LCA5L: variants seen among roughly 807,000 people sequenced by gnomAD.
LCA5L encodes the protein lebercilin-like protein.
In LCA5L, 35 loss-of-function variants were observed where a neutral mutation model predicts 45.4. The observed-to-expected ratio is 0.77, with a 90% CI of 0.59 to 1.02. LCA5L has a LOEUF of 1.02. Among genes scored for constraint, LCA5L ranks in the 50% least tolerant of loss-of-function variants. The pLI is 0.00. For synonymous variants in LCA5L, 233 were observed against 264.7 expected (o/e 0.88, Z 1.16); for missense variants, 668 against 761.6 (o/e 0.88, Z 1.45).
intron 7 of LCA5L, among the ~76,000 whole-genome samples, chr21:39,419,338 A>T (rs544263235): frequency 6.6e-6 from 1 of 152,212 alleles, no homozygotes; most frequent in African/African-American, 2.4e-5. Context: ...CAGCCTGGGC[A>T]ACACAGCGAG....
chr21:39,439,154 T>G (rs2076567624), intron 2 of LCA5L, among the ~76,000 whole-genome samples: 1 of 151,932 alleles, frequency 6.6e-6, no homozygotes. Context: ...GAAGGCTCTG[T>G]GATCACAGAA....
In LCA5L at chr21:39,415,288, GC is replaced by G. The variant is rs1169461339; in HGVS notation, c.976-3487del. 3.3e-5 allele frequency among the ~76,000 whole-genome samples: 5 copies of G among 152,248 alleles called. No homozygotes were observed. The East Asian group carries it at 7.7e-4, about 23-fold the overall frequency. On this transcript the variant is annotated intron_variant, in intron 7 of 10. Transcript: ENST00000288350. ...GTGTTGAGGCCACCTTCTTGATCTA[GC>G]CATTTCTACTCTTTTAAAAATGCAT...
intron 7 of LCA5L, among the ~76,000 whole-genome samples, chr21:39,416,185 C>A (rs2041122562): frequency 6.6e-6 from 1 of 152,184 alleles, no homozygotes; most frequent in Admixed American, 6.5e-5. Flanking sequence ...AAAATGTTTG[C>A]TTCTTGTCCT....
In LCA5L at chr21:39,409,799, G is replaced by A. The variant is rs1188874712; in HGVS notation, c.1282+180C>T. On this transcript the variant is annotated intron_variant, in intron 10 of 10. Transcript: ENST00000288350. This position sits in a 1 kb window ranked among gnomAD's most constrained non-coding sequence, Gnocchi z 4.2. ...AGTAGAGATAGGGTTTCACCATGTT[G>A]GCCAGGCTGGTCTCAAACTCTTGAC... 6.6e-6 allele frequency among the ~76,000 whole-genome samples: 1 copy of A among 152,114 alleles called. No individual in the cohort carries two copies. Among genetic ancestry groups the A allele is most frequent in the Admixed American group, 6.5e-5 (1 of 15,268 alleles).
chr21:39,413,104 T>C (rs573399833), intron 7 of LCA5L, among the ~76,000 whole-genome samples: 1 of 150,884 alleles, frequency 6.6e-6, no homozygotes, highest in South Asian at 2.1e-4. Flanking sequence ...AGGCCAGGAG[T>C]TTTAGCAGCC....
chr21:39,406,042 A>G lies in LCA5L; in HGVS notation c.1853T>C (p.Val618Ala), dbSNP rs2039029665. 2 of 1,614,052 alleles carry G rather than the reference A, an allele frequency of 1.2e-6. No homozygotes were observed. The highest frequency in any genetic ancestry group is 2.2e-5 in the South Asian group (2 of 91,088). ...VLKTDQSSPGVAKGSEEPLQS... is the reference protein window; with the variant it reads ...VLKTDQSSPGAAKGSEEPLQS... ...CAAAGGCTCCTCTGAGCCTTTTGCA[A>G]CACCAGGACTTGATTGGTCAGTTTT... The change falls in exon 11 of 11, where the codon GTT (valine) becomes GCT (alanine). Residue 618 changes from valine to alanine, a missense_variant. Physicochemically the swap from Val to Ala is moderately conservative, Grantham distance 64. Coordinates refer to ENST00000288350, the MANE Select transcript of LCA5L (RefSeq NM_152505.4).
intron 3 of LCA5L, among the ~76,000 whole-genome samples, chr21:39,429,793 G>A (rs560100011): frequency 1.3e-5 from 2 of 152,288 alleles, no homozygotes; most frequent in South Asian, 4.1e-4. Flanking sequence ...TGAGGTGGGT[G>A]GATAGCTTGA....
In LCA5L at chr21:39,405,767, A is replaced by T; in HGVS notation, c.*115T>A. 2.9e-6 allele frequency: 2 copies of T among 701,238 alleles called. No homozygotes were observed. The highest frequency in any genetic ancestry group is 4.2e-6 in the Non-Finnish European group (2 of 478,036). The allele number at this position is 701,238 out of a possible 1,614,324, so 43.4% of individuals were successfully genotyped here. A position where few individuals can be genotyped will look rare whatever the true frequency, so the allele number is the denominator to read the frequency against. ...AAAATTTAATTATCGAAAGTCAATT[A>T]AGTACTAAAACACACACATACATAC... is the stretch of plus-strand genomic sequence containing the variant. On this transcript the variant is annotated 3_prime_UTR_variant, in exon 11 of 11. Transcript: ENST00000288350.
At chr21:39,415,901 G>C (rs546401433) in intron 7 of LCA5L, among the ~76,000 whole-genome samples, 1 of 152,238 alleles carries the variant, frequency 6.6e-6, no homozygotes, top group East Asian at 1.9e-4. Flanking sequence ...TTGGTAGGTA[G>C]AGCCCAGTCT....
chr21:39,421,550 T>G (rs374349747), intron 6 of LCA5L: 11 of 152,274 alleles, frequency 7.2e-5, no homozygotes, highest in African/African-American at 2.4e-4. Context: ...TCAATAACCA[T>G]CCATAAATAT....
intron 4 of LCA5L, 76 bp from the exon 5 acceptor site, chr21:39,428,579 T>C (rs2075180866): frequency 6.8e-5 from 2 of 29,278 alleles, no homozygotes; most frequent in Non-Finnish European, 1.5e-4. Flanking sequence ...TGCTTTATTT[T>C]ATATATATAT....
chr21:39,436,621 A>G (rs1390808961), intron 2 of LCA5L, among the ~76,000 whole-genome samples: 5 of 152,140 alleles, frequency 3.3e-5, no homozygotes, highest in Non-Finnish European at 5.9e-5. Flanking sequence ...AGCTGGGACT[A>G]CAGGCATGTG....
chr21:39,422,826 C>T lies in LCA5L; in HGVS notation c.837+150G>A, dbSNP rs548001914. Reference sequence around the variant, plus strand: ...CTTCAAACCACTCCCTTTCTGTGCCCTCTATTAGACAACATAATTATTTAG... The same window carrying T: ...CTTCAAACCACTCCCTTTCTGTGCCTTCTATTAGACAACATAATTATTTAG... On this transcript the variant is annotated intron_variant, in intron 6 of 10. Transcript: ENST00000288350. The T allele has an allele frequency of 1.0e-4, 76 of 724,816 alleles. No individual in the cohort carries two copies. In the African/African-American group the frequency reaches 1.2e-3, roughly 12 times the overall value. 44.9% of individuals were successfully genotyped at this position (724,816 alleles called of 1,614,324 possible). A position where few individuals can be genotyped will look rare whatever the true frequency, so the allele number is the denominator to read the frequency against.
At chr21:39,414,736 C>CTGTG (rs1445537335) in intron 7 of LCA5L, among the ~76,000 whole-genome samples, 44 of 92,258 alleles carry the variant, frequency 4.8e-4, no homozygotes, top group East Asian at 9.4e-4. Flanking sequence ...CTCTCTCTCT[C>CTGTG]TCTCTCTGTG....
intron 7 of LCA5L, among the ~76,000 whole-genome samples, chr21:39,414,439 T>G (rs2040677140): frequency 1.3e-5 from 2 of 151,808 alleles, no homozygotes; most frequent in Non-Finnish European, 2.9e-5. Context: ...AGTTTCAAAG[T>G]AAAGAAACGA....
At chr21:39,422,830 A>G (rs897083841) in intron 6 of LCA5L, 146 bp downstream of exon 6, 4 of 757,458 alleles carry the variant, frequency 5.3e-6, no homozygotes, top group African/African-American at 1.7e-5. Context: ...TGTGCCCTCT[A>G]TTAGACAACA....
At chr21:39,430,913 G>T (rs1017493139) in intron 3 of LCA5L, among the ~76,000 whole-genome samples, 1 of 152,142 alleles carries the variant, frequency 6.6e-6, no homozygotes, top group African/African-American at 2.4e-5. Flanking sequence ...TTTAAAAAAT[G>T]CAAGCCTCTC....
Position 39,423,425 on chromosome 21 carries a change from G to T in LCA5L, c.388C>A (p.His130Asn). ...GCATCTCTTCTTTGGGCAATCATAT[G>T]GATTTGAGAATTAAAGAGTGATGCA... ...WNASLFNSQI[H>N]MIAQRRDAMA... is the part of the protein sequence containing the mutation. Residue 130 changes from histidine to asparagine, a missense_variant, in exon 6 of 11, where the codon CAT (histidine) becomes AAT (asparagine). Physicochemically the swap from His to Asn is moderately conservative, Grantham distance 68 (BLOSUM62 1). Transcript: ENST00000288350. 1 of 1,598,612 alleles carries T rather than the reference G, an allele frequency of 6.3e-7. No homozygotes were observed.
chr21:39,429,063 G>C (rs2075360862), intron 4 of LCA5L, 68 bp downstream of exon 4: 1 of 152,186 alleles, frequency 6.6e-6, no homozygotes, highest in Non-Finnish European at 1.5e-5. Flanking sequence ...AGATGGTTCT[G>C]CATTTCTTTA....
Sources: allele counts gnomAD v4.1 joint callset (sites outside exome capture counted in the v4.1 genomes callset), GRCh38; gene constraint gnomAD v4.1.1; non-coding constraint Gnocchi (gnomAD v3.1); transcripts MANE v1.5; gene names NCBI Gene and HGNC (gene_info 2026-07-23, HGNC 2026-07-21).